The following SMYD3 variants were observed in gnomAD, a reference collection of about 807,000 sequenced individuals.
The protein encoded by SMYD3 is histone-lysine N-methyltransferase SMYD3.
SMYD3 carries 36 observed loss-of-function variants against 57.7 expected under a neutral mutation model. The observed-to-expected ratio is 0.62, with a 90% CI of 0.48 to 0.82. The LOEUF (loss-of-function observed/expected upper bound fraction) is 0.82. SMYD3 is among the 40% of genes least tolerant of loss of function. SMYD3 has a pLI of 0.00. For missense variants in SMYD3, 515 were observed against 538.8 expected, an observed-to-expected ratio of 0.96 and a Z score of 0.44; for synonymous variants, 211 against 195.0, an observed-to-expected ratio of 1.08 and a Z score of -0.68.
At chr1:245,837,313 G>A (rs6661614) in intron 10 of SMYD3, among the ~76,000 whole-genome samples, 9,055 of 151,944 alleles carry the variant, frequency 0.06, 914 homozygotes, top group African/African-American at 0.21. Flanking sequence ...GCTGGGAGAC[G>A]GGTCCTAGAA....
chr1:246,455,436 A>G (rs1435426571), intron 1 of SMYD3, among the ~76,000 whole-genome samples: 2 of 152,226 alleles, frequency 1.3e-5, no homozygotes, highest in Non-Finnish European at 1.5e-5. Flanking sequence ...TTTACACAAA[A>G]TCTATTACAC....
At chr1:246,450,951 A>C (rs2067623976) in intron 1 of SMYD3, among the ~76,000 whole-genome samples, 1 of 152,192 alleles carries the variant, frequency 6.6e-6, no homozygotes, top group Non-Finnish European at 1.5e-5. Context: ...CTCTACCACC[A>C]CCTAGTGTAA....
intron 5 of SMYD3, among the ~76,000 whole-genome samples, chr1:246,300,068 A>G (rs2064866965): frequency 6.7e-6 from 1 of 148,876 alleles, no homozygotes. Context: ...ACAATGGAAT[A>G]GTATACAACC....
chr1:246,158,203 CCT>C (rs1465952299), intron 5 of SMYD3, among the ~76,000 whole-genome samples: 8 of 152,170 alleles, frequency 5.3e-5, no homozygotes, highest in East Asian at 3.8e-4. Flanking sequence ...TCATTCTTCC[CCT>C]GACTCTCTTT....
chr1:245,892,268 A>G (rs9660320), intron 8 of SMYD3, among the ~76,000 whole-genome samples: 151,928 of 152,312 alleles, frequency 1, 75,776 homozygotes, highest in Middle Eastern at 1. Flanking sequence ...TCCCAAATAG[A>G]CTATTTCCCC....
In SMYD3 at chr1:246,025,730, G is replaced by C. The variant is rs143918339; in HGVS notation, c.532-95793C>G. Among the ~76,000 whole-genome samples the C allele has an allele frequency of 1.6e-4, 25 of 152,290 alleles. 1 individual carries two copies. The East Asian group carries it at 4.6e-3, about 28-fold the overall frequency. ...TGATCTCTCCCTTTGTCATCTGAGT[G>C]ATGTATGATTAAGCTCAATAGAGGT... On this transcript the variant is annotated intron_variant, in intron 5 of 11. Transcript: ENST00000490107.
At chr1:245,966,879 T>C (rs754575109) in intron 5 of SMYD3, among the ~76,000 whole-genome samples, 2 of 152,128 alleles carry the variant, frequency 1.3e-5, no homozygotes, top group Non-Finnish European at 2.9e-5. Flanking sequence ...CATATGAACC[T>C]ATCCCCCCTC....
chr1:245,959,727 C>T (rs948960335), intron 5 of SMYD3, among the ~76,000 whole-genome samples: 1 of 152,308 alleles, frequency 6.6e-6, no homozygotes, highest in East Asian at 1.9e-4. Context: ...ATAACATTCA[C>T]AGAACAAAAT....
intron 10 of SMYD3, among the ~76,000 whole-genome samples, chr1:245,767,154 T>G (rs1035346486): frequency 2.4e-4 from 37 of 151,692 alleles, no homozygotes; most frequent in African/African-American, 8.7e-4. Context: ...GAAGAGGGCC[T>G]GGAGGTAGTA....
intron 5 of SMYD3, among the ~76,000 whole-genome samples, chr1:246,287,516 G>A (rs1412747813): frequency 5.9e-5 from 9 of 152,178 alleles, no homozygotes; most frequent in Admixed American, 4.6e-4. Flanking sequence ...TTTAAATTGC[G>A]TTTCTTTCAC....
intron 3 of SMYD3, among the ~76,000 whole-genome samples, chr1:246,330,738 C>G (rs542311609): frequency 2.6e-5 from 4 of 152,306 alleles, no homozygotes; most frequent in Admixed American, 6.5e-5. Context: ...CTTCACTCAA[C>G]AGTTTAATCT....
At chr1:246,488,951 G>A (rs918657552) in intron 1 of SMYD3, among the ~76,000 whole-genome samples, 18 of 152,006 alleles carry the variant, frequency 1.2e-4, no homozygotes, top group African/African-American at 4.3e-4. Context: ...GATATTCTCC[G>A]GAGAGGCACT....
chr1:246,070,093 G>A (rs1282993740), intron 5 of SMYD3, among the ~76,000 whole-genome samples: 1 of 152,126 alleles, frequency 6.6e-6, no homozygotes, highest in Non-Finnish European at 1.5e-5. Context: ...CTTGAAGGGT[G>A]AGAGGCACAG....
At chr1:246,032,901 G>T (rs1480934464) in intron 5 of SMYD3, among the ~76,000 whole-genome samples, 5 of 152,032 alleles carry the variant, frequency 3.3e-5, no homozygotes, top group Admixed American at 6.5e-5. Flanking sequence ...TGTAATTTTG[G>T]GTATGTGAAC....
Position 245,871,538 on chromosome 1 carries a change from C to T in SMYD3, c.814-7652G>A, listed in dbSNP as rs373909333. Among the ~76,000 whole-genome samples, 7 of 152,134 alleles carry T rather than the reference C, an allele frequency of 4.6e-5. No homozygotes were observed. In the East Asian group the frequency reaches 5.8e-4, roughly 13 times the overall value. ...GAAGGAATGTTCTCAGGTTGAAGCA[C>T]GATCAAATTGTAGTATGTTCTAATT... On this transcript the variant is annotated intron_variant, in intron 8 of 11. Coordinates refer to ENST00000490107, the MANE Select transcript of SMYD3 (RefSeq NM_001167740.2).
At chr1:246,307,609 C>G (rs1329642162) in intron 5 of SMYD3, among the ~76,000 whole-genome samples, 1 of 151,616 alleles carries the variant, frequency 6.6e-6, no homozygotes, top group Non-Finnish European at 1.5e-5. Context: ...TTAGTAGAGA[C>G]GGGGTTTCAC....
At chr1:246,180,800 ACTCAGGAGGGCAG>A in intron 5 of SMYD3, among the ~76,000 whole-genome samples, 1 of 126,504 alleles carries the variant, frequency 7.9e-6, no homozygotes, top group East Asian at 2.6e-4. Context: ...AAAAAAAACA[ACTCAGGAGGGCAG>A]AAGAGAATGG....
chr1:246,445,860 A>AAC (rs1369130790), intron 1 of SMYD3, among the ~76,000 whole-genome samples: 2 of 152,052 alleles, frequency 1.3e-5, no homozygotes, highest in African/African-American at 4.8e-5. Flanking sequence ...AAAAGGAAAA[A>AAC]AAAAACAAAA....
chr1:245,848,210 T>C (rs1298689576), intron 10 of SMYD3, among the ~76,000 whole-genome samples: 1 of 152,052 alleles, frequency 6.6e-6, no homozygotes, highest in Non-Finnish European at 1.5e-5. Flanking sequence ...AAGTGATCCT[T>C]CCTTCCACCT....
Sources: allele counts gnomAD v4.1 joint callset (sites outside exome capture counted in the v4.1 genomes callset), GRCh38; gene constraint gnomAD v4.1.1; transcripts MANE v1.5; gene names NCBI Gene and HGNC (gene_info 2026-07-23, HGNC 2026-07-21).